The following RNF150 variants were observed in gnomAD, a reference collection of about 807,000 sequenced individuals.
RNF150 encodes the protein ring finger protein 150.
In RNF150, 24 loss-of-function variants were observed where a neutral mutation model predicts 39.3. The observed-to-expected ratio is 0.61, with a 90% CI of 0.44 to 0.86. The LOEUF (loss-of-function observed/expected upper bound fraction) is 0.86. Among genes scored for constraint, RNF150 ranks in the 40% least tolerant of loss-of-function variants. RNF150 has a pLI of 0.00. For missense variants in RNF150, 502 were observed against 587.8 expected (o/e 0.85, Z 1.51); for synonymous variants, 255 against 227.3 (o/e 1.12, Z -1.10).
chr4:140,872,130 A>T (rs181417517), intron 6 of RNF150, among the ~76,000 whole-genome samples: 3 of 152,340 alleles, frequency 2.0e-5, no homozygotes, highest in African/African-American at 7.2e-5. Context: ...ATCAAGACAG[A>T]TGTTTTACTT....
intron 2 of RNF150, among the ~76,000 whole-genome samples, chr4:140,951,038 C>T (rs11724213): frequency 0.48 from 72,922 of 151,786 alleles, 18,029 homozygotes; most frequent in Non-Finnish European, 0.53. Context: ...CTAAACATGA[C>T]GGAACTTTCC....
chr4:141,046,223 C>T (rs958164649), intron 1 of RNF150, among the ~76,000 whole-genome samples: 2 of 152,144 alleles, frequency 1.3e-5, no homozygotes, highest in Non-Finnish European at 2.9e-5. Context: ...GATGAAGTTT[C>T]GTCTCTCCAT....
intron 2 of RNF150, among the ~76,000 whole-genome samples, chr4:140,955,941 C>G (rs1732733884): frequency 6.6e-6 from 1 of 152,192 alleles, no homozygotes. Flanking sequence ...AAGTTATTCT[C>G]AGGGAGAGAG....
intron 1 of RNF150, among the ~76,000 whole-genome samples, chr4:141,086,876 A>C (rs1312971021): frequency 6.6e-6 from 1 of 152,034 alleles, no homozygotes. Flanking sequence ...TACTTCAGGA[A>C]ACCTTTCCTT....
intron 6 of RNF150, among the ~76,000 whole-genome samples, chr4:140,910,570 G>C (rs1863302): frequency 0.15 from 23,501 of 151,834 alleles, 2,111 homozygotes; most frequent in Middle Eastern, 0.29. Flanking sequence ...CTGTGCACAG[G>C]GGTTTAGTGT....
intron 1 of RNF150, among the ~76,000 whole-genome samples, chr4:141,121,156 C>A (rs113598657): frequency 2.3e-4 from 35 of 152,270 alleles, no homozygotes; most frequent in African/African-American, 8.2e-4. Context: ...GCATAGGAGG[C>A]TCACTTTACA....
At chr4:141,161,769 C>T (rs148241609) in intron 1 of RNF150, among the ~76,000 whole-genome samples, 1 of 152,346 alleles carries the variant, frequency 6.6e-6, no homozygotes, top group African/African-American at 2.4e-5. Flanking sequence ...ACACCTCAGG[C>T]TGCTACTCCA....
chr4:140,934,259 G>A (rs1047923793), intron 4 of RNF150, among the ~76,000 whole-genome samples: 12 of 152,124 alleles, frequency 7.9e-5, no homozygotes, highest in African/African-American at 2.4e-4. Flanking sequence ...ATCCACCACC[G>A]TGGCCTCCCA....
At chr4:141,144,886 C>G (rs1169068854) in intron 1 of RNF150, among the ~76,000 whole-genome samples, 7 of 152,052 alleles carry the variant, frequency 4.6e-5, no homozygotes, top group Admixed American at 3.3e-4. Flanking sequence ...TTAAATGAAC[C>G]AAGATGCTCC....
At chr4:140,947,518 G>C (rs1732365401) in intron 4 of RNF150, 136 bp downstream of exon 4, 6 of 690,312 alleles carry the variant, frequency 8.7e-6, no homozygotes, top group Non-Finnish European at 1.5e-5. Context: ...TGTTAGGGTT[G>C]TCTGCAATAG....
chr4:141,167,829 A>C (rs76762386), intron 1 of RNF150, among the ~76,000 whole-genome samples: 148,005 of 152,282 alleles, frequency 0.97, 72,077 homozygotes, highest in East Asian at 1. Context: ...AGACTTAAAA[A>C]CATAAAACCT....
chr4:140,921,339 C>T (rs1279415272), intron 5 of RNF150, among the ~76,000 whole-genome samples: 6 of 151,764 alleles, frequency 4.0e-5, no homozygotes, highest in South Asian at 2.1e-4. Flanking sequence ...ACTATAAACA[C>T]CTCTACACGA....
chr4:141,190,325 T>C (rs180929549), intron 1 of RNF150, among the ~76,000 whole-genome samples: 2 of 152,298 alleles, frequency 1.3e-5, no homozygotes, highest in East Asian at 1.9e-4. Context: ...TAAGTGGAGA[T>C]TATCTGGGTG....
At chr4:141,126,095 TACACAC>T (rs139608178) in intron 1 of RNF150, among the ~76,000 whole-genome samples, 1 of 150,094 alleles carries the variant, frequency 6.7e-6, no homozygotes, top group Non-Finnish European at 1.5e-5. Flanking sequence ...AATAAATACA[TACACAC>T]ACACACACAC....
intron 4 of RNF150, 58 bp from the exon 5 acceptor site, chr4:140,926,131 C>T (rs1045007098): frequency 3.3e-6 from 4 of 1,219,554 alleles, no homozygotes; most frequent in African/African-American, 3.0e-5. Context: ...ACCTGGTCCA[C>T]CATGGCCCAG....
At chr4:141,052,386 T>C (rs1736808555) in intron 1 of RNF150, among the ~76,000 whole-genome samples, 1 of 152,226 alleles carries the variant, frequency 6.6e-6, no homozygotes, top group Non-Finnish European at 1.5e-5. Context: ...TTTATTCTTT[T>C]ATTTTTTGAG....
intron 1 of RNF150, among the ~76,000 whole-genome samples, chr4:141,067,972 G>C (rs888451741): frequency 4.7e-5 from 7 of 149,434 alleles, no homozygotes; most frequent in African/African-American, 1.7e-4. Context: ...TTTTGAGACA[G>C]AGTCACTCAG....
chr4:141,073,191 G>T (rs547798349), intron 1 of RNF150, among the ~76,000 whole-genome samples: 1 of 152,176 alleles, frequency 6.6e-6, no homozygotes, highest in Non-Finnish European at 1.5e-5. Flanking sequence ...TTGGATGAAG[G>T]GGAAAGGACT....
chr4:141,109,571 G>A (rs925604326), intron 1 of RNF150, among the ~76,000 whole-genome samples: 1 of 151,940 alleles, frequency 6.6e-6, no homozygotes, highest in Admixed American at 6.6e-5. Flanking sequence ...GGATCATAAG[G>A]AAATTCTTTA....
Sources: gnomAD v4.1 joint callset for allele counts (sites outside exome capture counted in the v4.1 genomes callset) on GRCh38, gnomAD v4.1.1 for gene constraint, MANE v1.5 for transcripts, NCBI Gene and HGNC (gene_info 2026-07-23, HGNC 2026-07-21) for gene names.